IMMP2L: variants seen among roughly 807,000 people sequenced by gnomAD.
The protein encoded by IMMP2L is inner mitochondrial membrane peptidase subunit 2, also known as mitochondrial inner membrane protease subunit 2.
IMMP2L carries 18 observed loss-of-function variants against 19.3 expected under a neutral mutation model. That is an observed-to-expected ratio of 0.93 (90% CI 0.64 to 1.38). The LOEUF is 1.38. IMMP2L is among the 40% of genes most tolerant of loss of function. The pLI, the probability that IMMP2L is intolerant of heterozygous loss-of-function variation, is 0.00. For missense variants in IMMP2L, 233 were observed against 218.2 expected (o/e 1.07, Z -0.43); for synonymous variants, 76 against 73.0 (o/e 1.04, Z -0.21).
chr7:110,845,014 C>A (rs1216222024), intron 5 of IMMP2L, among the ~76,000 whole-genome samples: 1 of 152,098 alleles, frequency 6.6e-6, no homozygotes, highest in Non-Finnish European at 1.5e-5. Context: ...TCCAAACTCT[C>A]ATCAGCTGGG....
intron 4 of IMMP2L, among the ~76,000 whole-genome samples, chr7:110,944,318 G>A (rs1317039251): frequency 6.6e-6 from 1 of 151,994 alleles, no homozygotes; most frequent in East Asian, 1.9e-4. Flanking sequence ...TCCTGTCAGG[G>A]TAAGGATACA....
At chr7:111,387,720 A>G (rs1436681617) in intron 3 of IMMP2L, among the ~76,000 whole-genome samples, 2 of 152,004 alleles carry the variant, frequency 1.3e-5, no homozygotes, top group African/African-American at 4.8e-5. Context: ...GCTCACACCT[A>G]TAATTCCAAC....
chr7:111,381,132 T>C (rs867568469), intron 3 of IMMP2L, among the ~76,000 whole-genome samples: 1 of 151,962 alleles, frequency 6.6e-6, no homozygotes, highest in African/African-American at 2.4e-5. Context: ...TTCTAGGAAG[T>C]ACATTAGTTT....
chr7:111,378,260 C>A (rs527416263), intron 3 of IMMP2L, among the ~76,000 whole-genome samples: 19 of 152,010 alleles, frequency 1.2e-4, no homozygotes, highest in African/African-American at 4.1e-4. Flanking sequence ...TATTAAATGT[C>A]AACTGTATAA....
chr7:111,393,194 T>G (rs1832540938), intron 3 of IMMP2L, among the ~76,000 whole-genome samples: 1 of 151,862 alleles, frequency 6.6e-6, no homozygotes, highest in Admixed American at 6.6e-5. Flanking sequence ...GAACAAAAGA[T>G]GCTCTCATCA....
chr7:111,172,309 A>G (rs1381038816), intron 3 of IMMP2L, among the ~76,000 whole-genome samples: 2 of 151,490 alleles, frequency 1.3e-5, no homozygotes, highest in Non-Finnish European at 3.0e-5. Flanking sequence ...ATTCATTATT[A>G]AATTTAAAGA....
chr7:111,053,590 T>G (rs1793214169), intron 3 of IMMP2L, among the ~76,000 whole-genome samples: 1 of 152,222 alleles, frequency 6.6e-6, no homozygotes, highest in Non-Finnish European at 1.5e-5. Context: ...AGGGTGACAA[T>G]TGCCTGACCA....
intron 5 of IMMP2L, among the ~76,000 whole-genome samples, chr7:110,677,382 T>C (rs1792388632): frequency 6.6e-6 from 1 of 152,198 alleles, no homozygotes; most frequent in African/African-American, 2.4e-5. Context: ...TTTAAACATG[T>C]ATTAACATAT....
intron 3 of IMMP2L, among the ~76,000 whole-genome samples, chr7:111,348,107 G>C (rs1827753881): frequency 7.3e-6 from 1 of 137,026 alleles, no homozygotes; most frequent in Non-Finnish European, 1.5e-5. Flanking sequence ...TTGGACACAG[G>C]GTGGGGAACA....
At chr7:110,930,648 C>CCCAA (rs1815370234) in intron 4 of IMMP2L, among the ~76,000 whole-genome samples, 2 of 152,132 alleles carry the variant, frequency 1.3e-5, no homozygotes, top group Admixed American at 1.3e-4. Flanking sequence ...ACTTAATTAT[C>CCCAA]ACATTAATAA....
At chr7:111,395,758 T>C (rs534270163) in intron 3 of IMMP2L, among the ~76,000 whole-genome samples, 1 of 152,228 alleles carries the variant, frequency 6.6e-6, no homozygotes, top group Admixed American at 6.5e-5. Context: ...TGGGCATTAA[T>C]TCCATCTGGA....
chr7:110,855,424 A>G (rs1043698081), intron 5 of IMMP2L, among the ~76,000 whole-genome samples: 2 of 151,860 alleles, frequency 1.3e-5, no homozygotes, highest in South Asian at 2.1e-4. Flanking sequence ...TTTTGGCTCC[A>G]CCTCCACCAC....
At chr7:111,328,714 A>G (rs6969938) in intron 3 of IMMP2L, among the ~76,000 whole-genome samples, 3,478 of 151,874 alleles carry the variant, frequency 0.023, 138 homozygotes, top group African/African-American at 0.079. Context: ...GTATAGCTTG[A>G]GAAGTGATGT....
chr7:111,512,510 T>G (rs1233065492), intron 2 of IMMP2L, among the ~76,000 whole-genome samples: 2 of 151,714 alleles, frequency 1.3e-5, no homozygotes, highest in Non-Finnish European at 2.9e-5. Flanking sequence ...TAAAACATAA[T>G]TTTTAATAAA....
chr7:110,683,594 T>C (rs948881727), intron 5 of IMMP2L, among the ~76,000 whole-genome samples: 2 of 152,132 alleles, frequency 1.3e-5, no homozygotes, highest in Non-Finnish European at 2.9e-5. Flanking sequence ...TTTTGCTACT[T>C]TTATTTTTTG....
Position 110,663,316 on chromosome 7 carries a change from C to A in IMMP2L, c.*286G>T. ...TGTAACAAATAATCTGAAATTCAGCCCCATTAAGACATGTGGGTGCAATAT... is the reference window on the plus strand; with the variant it reads ...TGTAACAAATAATCTGAAATTCAGCACCATTAAGACATGTGGGTGCAATAT... On this transcript the variant is annotated 3_prime_UTR_variant, in exon 6 of 6. Transcript: ENST00000405709. The A allele has an allele frequency of 4.1e-6, 1 of 243,810 alleles. No homozygotes were observed. The allele number at this position is 243,810 out of a possible 1,614,324, so 15.1% of individuals were successfully genotyped here.
intron 5 of IMMP2L, among the ~76,000 whole-genome samples, chr7:110,725,542 G>A (rs1795832079): frequency 6.6e-6 from 1 of 151,842 alleles, no homozygotes; most frequent in South Asian, 2.1e-4. Flanking sequence ...TTCATTTTTA[G>A]ATTTGAAGAG....
chr7:110,712,907 T>G (rs1343331463), intron 5 of IMMP2L, among the ~76,000 whole-genome samples: 6 of 142,070 alleles, frequency 4.2e-5, no homozygotes, highest in Non-Finnish European at 9.2e-5. Flanking sequence ...GCGCACACTG[T>G]CTGGCACTCC....
In IMMP2L at chr7:110,662,650, G is replaced by C. The variant is rs938776655; in HGVS notation, c.*952C>G. On this transcript the variant is annotated 3_prime_UTR_variant, in exon 6 of 6. Coordinates refer to ENST00000405709, the MANE Select transcript of IMMP2L (RefSeq NM_032549.4). ...AGCTTTCATAAACATGGACTTAGAT[G>C]CAGGGAATTTATTCCATTATCCATA... Among the ~76,000 whole-genome samples, 3 of 152,170 alleles carry C rather than the reference G, an allele frequency of 2.0e-5. No individual in the cohort carries two copies. The highest frequency in any genetic ancestry group is 4.8e-5 in the African/African-American group (2 of 41,430).
Sources: gnomAD v4.1 joint callset for allele counts (sites outside exome capture counted in the v4.1 genomes callset) on GRCh38, gnomAD v4.1.1 for gene constraint, MANE v1.5 for transcripts, NCBI Gene and HGNC (gene_info 2026-07-23, HGNC 2026-07-21) for gene names.